The following TRHDE variants were observed in gnomAD, a reference collection of about 807,000 sequenced individuals.
TRHDE encodes thyrotropin-releasing hormone-degrading ectoenzyme.
A neutral mutation model predicts 125.7 loss-of-function variants in TRHDE; 72 were observed. That is an observed-to-expected ratio of 0.57 (90% CI 0.47 to 0.70). The LOEUF is 0.70. TRHDE is among the 30% of genes least tolerant of loss of function. The pLI, the probability that TRHDE is intolerant of heterozygous loss-of-function variation, is 0.00. For synonymous variants in TRHDE, 509 were observed against 509.1 expected, an observed-to-expected ratio of 1.00 and a Z score of 0.00; for missense variants, 1,110 against 1,327.1, an observed-to-expected ratio of 0.84 and a Z score of 2.54.
chr12:72,256,385 A>G (rs1189166731), intron 2 of TRHDE: 2 of 151,716 alleles, frequency 1.3e-5, no homozygotes, highest in East Asian at 3.9e-4. Context: ...ATATCAACAT[A>G]CTTCACTTCC....
intron 2 of TRHDE, among the ~76,000 whole-genome samples, chr12:72,206,579 C>T (rs1240121733): frequency 1.3e-5 from 2 of 152,134 alleles, no homozygotes; most frequent in East Asian, 1.9e-4. Context: ...GGTTATATAT[C>T]TGTCAGCATG....
chr12:72,319,180 A>G (rs1868956605), intron 2 of TRHDE, among the ~76,000 whole-genome samples: 1 of 152,170 alleles, frequency 6.6e-6, no homozygotes. Flanking sequence ...ATGACACAGG[A>G]CTGAAGCTCA....
At chr12:72,416,986 C>T (rs1873757149) in intron 3 of TRHDE, among the ~76,000 whole-genome samples, 1 of 152,036 alleles carries the variant, frequency 6.6e-6, no homozygotes, top group Admixed American at 6.6e-5. Flanking sequence ...TTTGATTCTT[C>T]CAATCCATGA....
intron 2 of TRHDE, among the ~76,000 whole-genome samples, chr12:72,250,871 T>C (rs928467769): frequency 2.7e-5 from 4 of 146,498 alleles, no homozygotes; most frequent in African/African-American, 9.9e-5. Flanking sequence ...TATTTTATTT[T>C]TATTGCATAC....
intron 12 of TRHDE, among the ~76,000 whole-genome samples, chr12:72,580,223 T>C (rs1306953164): frequency 6.6e-6 from 1 of 152,220 alleles, no homozygotes; most frequent in African/African-American, 2.4e-5. Context: ...CCTATGGTTT[T>C]ATGTACACGG....
intron 4 of TRHDE, among the ~76,000 whole-genome samples, chr12:72,472,596 C>A (rs1221687340): frequency 6.6e-6 from 1 of 152,110 alleles, no homozygotes; most frequent in Non-Finnish European, 1.5e-5. Context: ...TGCTCACTAC[C>A]TTTCAAGGAA....
Position 72,205,079 on chromosome 12 carries a change from A to G in TRHDE, n.279+99327A>G, listed in dbSNP as rs549052355. 3.3e-5 allele frequency among the ~76,000 whole-genome samples: 5 copies of G among 152,348 alleles called. No homozygotes were observed. The South Asian group carries it at 1.0e-3, about 32-fold the overall frequency. On this transcript the variant is annotated intron_variant and non_coding_transcript_variant, in intron 2 of 4. Transcript: ENST00000548156. The stretch of plus-strand genomic sequence containing the variant: ...AAAGATGTTATTGTCCTTTCAAGGA[A>G]CTTGTTTGATAAATGATCTGAGCTA...
Position 72,558,674 on chromosome 12 carries a change from T to C in TRHDE, c.1789-3491T>C, listed in dbSNP as rs184332067. Reference sequence around the variant, plus strand: ...ATCACCCATGTAAGATTCTGTAGAGTAGACAAACAGGTAAGGGAAAGTGGG... The same window carrying C: ...ATCACCCATGTAAGATTCTGTAGAGCAGACAAACAGGTAAGGGAAAGTGGG... On this transcript the variant is annotated intron_variant, in intron 7 of 18. Coordinates refer to ENST00000261180, the MANE Select transcript of TRHDE (RefSeq NM_013381.3). Among the ~76,000 whole-genome samples, 497 of 151,898 alleles carry C rather than the reference T, an allele frequency of 3.3e-3. 3 individuals are homozygous for C. Among genetic ancestry groups the C allele is most frequent in the African/African-American group, 0.012 (485 of 41,420 alleles).
At chr12:72,103,766 G>T (rs1343657141) in intron 1 of TRHDE, among the ~76,000 whole-genome samples, 1 of 152,174 alleles carries the variant, frequency 6.6e-6, no homozygotes, top group African/African-American at 2.4e-5. Flanking sequence ...TTTTCAAGGG[G>T]AGAAATACAG....
intron 6 of TRHDE, among the ~76,000 whole-genome samples, chr12:72,512,664 A>G (rs1303567577): frequency 6.9e-6 from 1 of 144,608 alleles, no homozygotes; most frequent in Non-Finnish European, 1.5e-5. Context: ...AATATATAAT[A>G]TAAATGGTAA....
chr12:72,615,585 ATATTGTGATGTCG>A (rs1306783587), intron 12 of TRHDE, among the ~76,000 whole-genome samples: 2 of 152,140 alleles, frequency 1.3e-5, no homozygotes, highest in African/African-American at 4.8e-5. Context: ...GTGTACCTAC[ATATTGTGATGTCG>A]TAGGCTTAAA....
chr12:72,190,960 C>A (rs777919603), intron 2 of TRHDE, among the ~76,000 whole-genome samples: 1 of 152,220 alleles, frequency 6.6e-6, no homozygotes, highest in Non-Finnish European at 1.5e-5. Context: ...GAAATAGTTA[C>A]TCATTCTGGA....
At chr12:72,637,540 T>C (rs1193256752) in intron 15 of TRHDE, among the ~76,000 whole-genome samples, 1 of 152,126 alleles carries the variant, frequency 6.6e-6, no homozygotes, top group Non-Finnish European at 1.5e-5. Context: ...TCTTGCCTTC[T>C]GCTAGCTTTT....
intron 2 of TRHDE, among the ~76,000 whole-genome samples, chr12:72,306,456 A>G (rs1281641289): frequency 6.6e-6 from 1 of 152,144 alleles, no homozygotes; most frequent in Non-Finnish European, 1.5e-5. Context: ...ACCATATAAG[A>G]CAGACTTTTG....
intron 3 of TRHDE, among the ~76,000 whole-genome samples, chr12:72,394,217 A>G (rs1175200477): frequency 6.6e-6 from 1 of 152,184 alleles, no homozygotes; most frequent in East Asian, 1.9e-4. Context: ...CTCAAATTCT[A>G]AACACAGAGA....
rs1592566736 is a variant in TRHDE, at chr12:72,358,084, A to C, written c.1189-19911A>C. Among the ~76,000 whole-genome samples, 3 of 151,712 alleles carry C rather than the reference A, an allele frequency of 2.0e-5. No individual in the cohort carries two copies. In the East Asian group the frequency reaches 5.8e-4, roughly 30 times the overall value. On this transcript the variant is annotated intron_variant, in intron 2 of 18. Coordinates refer to ENST00000261180, the MANE Select transcript of TRHDE (RefSeq NM_013381.3). ...GATTGCAACTGAAACAGTACTTAGGAGGGATTGATAACCTATAAGGAGATA... is the reference window on the plus strand; with the variant it reads ...GATTGCAACTGAAACAGTACTTAGGCGGGATTGATAACCTATAAGGAGATA...
At chr12:72,197,332 G>C (rs1398148781) in intron 2 of TRHDE, among the ~76,000 whole-genome samples, 1 of 151,964 alleles carries the variant, frequency 6.6e-6, no homozygotes, top group East Asian at 1.9e-4. Context: ...TGGCTTTATA[G>C]CACCCACATT....
chr12:72,204,275 G>A (rs1378659592), intron 2 of TRHDE, among the ~76,000 whole-genome samples: 2 of 151,890 alleles, frequency 1.3e-5, no homozygotes, highest in African/African-American at 4.8e-5. Flanking sequence ...TGATACTCTC[G>A]TCCACATTTT....
chr12:72,128,212 A>G (rs1275649832), intron 2 of TRHDE, among the ~76,000 whole-genome samples: 2 of 152,198 alleles, frequency 1.3e-5, no homozygotes, highest in African/African-American at 4.8e-5. Flanking sequence ...AATTAGCCCT[A>G]GAATAATTGT....
Sources: gnomAD v4.1 joint callset for allele counts (sites outside exome capture counted in the v4.1 genomes callset) on GRCh38, gnomAD v4.1.1 for gene constraint, MANE v1.5 for transcripts, NCBI Gene and HGNC (gene_info 2026-07-23, HGNC 2026-07-21) for gene names.